Variants in PODXL observed in about 807,000 individuals in gnomAD.
PODXL encodes podocalyxin.
PODXL carries 20 observed loss-of-function variants against 48.9 expected under a neutral mutation model. The ratio of observed to expected loss-of-function variants is 0.41; its 90% CI spans 0.29 to 0.59. The LOEUF (loss-of-function observed/expected upper bound fraction) is 0.59, where lower values mean the gene tolerates loss of function less well. Ranked by LOEUF, PODXL falls within the 20% of genes least tolerant of loss-of-function variation. The pLI is 0.31. For missense variants in PODXL, 606 were observed against 675.1 expected (o/e 0.90, Z 1.13); for synonymous variants, 295 against 287.4 (o/e 1.03, Z -0.27).
intron 1 of PODXL, among the ~76,000 whole-genome samples, chr7:131,517,105 G>A (rs1798011279): frequency 6.6e-6 from 1 of 152,066 alleles, no homozygotes; most frequent in Non-Finnish European, 1.5e-5. Flanking sequence ...ATTGTTAAGA[G>A]GACTATTCAT....
chr7:131,504,596 A>G, intron 8 of PODXL, 88 bp from the exon 9 acceptor site: 1 of 1,093,794 alleles, frequency 9.1e-7, no homozygotes, highest in South Asian at 1.4e-5. Flanking sequence ...CCCACTCAGG[A>G]GCCCCACTGT....
chr7:131,509,096 T>G, intron 4 of PODXL, 68 bp from the exon 5 acceptor site: 1 of 1,361,202 alleles, frequency 7.3e-7, no homozygotes, highest in Non-Finnish European at 1.1e-6. Flanking sequence ...TCCCCCCAAC[T>G]AAGGGGTGAC....
At chr7:131,524,622 G>A (rs1032805966) in intron 1 of PODXL, among the ~76,000 whole-genome samples, 1 of 152,120 alleles carries the variant, frequency 6.6e-6, no homozygotes, top group African/African-American at 2.4e-5. Flanking sequence ...GATCCCAAAT[G>A]CTAAACAGGA....
At chr7:131,537,810 G>C (rs187907905) in intron 1 of PODXL, among the ~76,000 whole-genome samples, 1 of 152,228 alleles carries the variant, frequency 6.6e-6, no homozygotes, top group Admixed American at 6.5e-5. Context: ...CATATCAATG[G>C]CATCACACCG....
intron 6 of PODXL, 72 bp from the exon 7 acceptor site, chr7:131,506,393 A>T: frequency 2.0e-6 from 3 of 1,517,272 alleles, no homozygotes; most frequent in Non-Finnish European, 2.7e-6. Flanking sequence ...ACTGCGCCCC[A>T]AGAGAGGGAC....
Position 131,506,011 on chromosome 7 carries a change from C to T in PODXL, c.1336G>A (p.Gly446Arg). The part of the protein sequence containing the change: ...KEAGVSDMKL[G>R]DQGPPEEAED... The stretch of plus-strand genomic sequence containing the variant: ...GCCTCCTCCGGTGGCCCCTGGTCCC[C>T]TAGCTTCATGTCACTGACCCCTGCC... Residue 446 changes from glycine (G) to arginine (R), a missense_variant, in exon 8 of 9, where the codon GGG (glycine) becomes AGG (arginine). By Grantham distance (125) the Gly-to-Arg change is moderately radical. Coordinates refer to ENST00000378555, the MANE Select transcript of PODXL (RefSeq NM_001018111.3). 6.2e-7 allele frequency: 1 copy of T among 1,612,654 alleles called. No homozygotes were observed. Among genetic ancestry groups the T allele is most frequent in the Non-Finnish European group, 8.5e-7 (1 of 1,179,484 alleles).
At chr7:131,547,105 T>C (rs1798591113) in intron 1 of PODXL, among the ~76,000 whole-genome samples, 2 of 152,040 alleles carry the variant, frequency 1.3e-5, no homozygotes, top group Non-Finnish European at 2.9e-5. Flanking sequence ...CAGGTGCGGG[T>C]GGCTCACATC....
At chr7:131,536,958 C>G (rs1321419176) in intron 1 of PODXL, among the ~76,000 whole-genome samples, 1 of 152,014 alleles carries the variant, frequency 6.6e-6, no homozygotes, top group Admixed American at 6.6e-5. Context: ...AACCCCATCT[C>G]TACTAAAAAT....
intron 1 of PODXL, among the ~76,000 whole-genome samples, chr7:131,555,725 C>A (rs1798731352): frequency 6.6e-6 from 1 of 152,204 alleles, no homozygotes; most frequent in Non-Finnish European, 1.5e-5. Context: ...GTTGAGCCTG[C>A]ACACATTACT....
rs1304189377 is a variant in PODXL, at chr7:131,509,500, C to A, written c.888G>T (p.Val296=). The change falls in exon 4 of 9, where the codon GTG becomes GTT. Residue 296 remains valine (V), a synonymous_variant. Coordinates refer to ENST00000378555, the MANE Select transcript of PODXL (RefSeq NM_001018111.3). ...SSTAPSSQET[V]QPTSPATALR... ...ATGCCGTTGCCGGGCTCGTGGGCTG[C>A]ACTGTCTCCTGGGAGGAAGGGGCCG... The A allele has an allele frequency of 6.2e-7, 1 of 1,613,044 alleles. No homozygotes were observed. The highest frequency in any genetic ancestry group is 1.7e-5 in the Admixed American group (1 of 59,966).
chr7:131,540,583 C>T (rs1181671240), intron 1 of PODXL, among the ~76,000 whole-genome samples: 1 of 152,150 alleles, frequency 6.6e-6, no homozygotes, highest in African/African-American at 2.4e-5. Flanking sequence ...TCCCCAGGCA[C>T]ACACACACTT....
chr7:131,543,252 G>A (rs975851616), intron 1 of PODXL, among the ~76,000 whole-genome samples: 2 of 152,032 alleles, frequency 1.3e-5, no homozygotes, highest in Non-Finnish European at 2.9e-5. Flanking sequence ...CAGCCTCCCA[G>A]GTAGCTGGAA....
intron 1 of PODXL, among the ~76,000 whole-genome samples, chr7:131,542,815 A>G (rs1798505557): frequency 6.6e-6 from 1 of 152,174 alleles, no homozygotes; most frequent in African/African-American, 2.4e-5. Flanking sequence ...CCTCTAGAGC[A>G]TGGCAGTAGT....
rs1368092431 is a variant in PODXL, at chr7:131,511,127, G to A, written c.407C>T (p.Thr136Ile). ...GTTAGGTTTAGCTGTGGCTGTGGAG[G>A]TTGCAACTGTAGTGGTGTCTGCACT... ...TKSADTTTVA[T>I]STATAKPNTT... The change falls in exon 2 of 9, where the codon ACC (threonine) becomes ATC (isoleucine). Residue 136 changes from threonine to isoleucine, a missense_variant. Transcript: ENST00000378555. The A allele has an allele frequency of 1.9e-6, 3 of 1,613,784 alleles. No homozygotes were observed. Among genetic ancestry groups the A allele is most frequent in the African/African-American group, 2.7e-5 (2 of 74,822 alleles).
At chr7:131,528,077 T>C (rs1279228261) in intron 1 of PODXL, among the ~76,000 whole-genome samples, 4 of 151,762 alleles carry the variant, frequency 2.6e-5, no homozygotes, top group East Asian at 3.9e-4. Context: ...TTTTGTATTT[T>C]TTTAGTAGAG....
intron 6 of PODXL, 60 bp from the exon 7 acceptor site, chr7:131,506,381 G>T: frequency 6.4e-7 from 1 of 1,561,618 alleles, no homozygotes; most frequent in Non-Finnish European, 8.8e-7. Context: ...TGGGGGACGG[G>T]GACTGCGCCC....
chr7:131,527,475 C>T (rs1212586325), intron 1 of PODXL, among the ~76,000 whole-genome samples: 4 of 152,158 alleles, frequency 2.6e-5, no homozygotes, highest in African/African-American at 7.2e-5. Context: ...GGAGATGCAA[C>T]AGAAGCTTCT....
At chr7:131,520,154 G>A (rs1798069215) in intron 1 of PODXL, 1 of 240,710 alleles carries the variant, frequency 4.2e-6, no homozygotes. Context: ...CCTGCGAAGA[G>A]GGTGGTGAGA....
intron 1 of PODXL, among the ~76,000 whole-genome samples, chr7:131,532,453 T>TAAAAAAAA (rs1562913043): frequency 7.6e-6 from 1 of 131,052 alleles, no homozygotes; most frequent in African/African-American, 2.7e-5. Context: ...AAAAAAAAAT[T>TAAAAAAAA]AAAAATAAAT....
Sources: allele counts gnomAD v4.1 joint callset (sites outside exome capture counted in the v4.1 genomes callset), GRCh38; gene constraint gnomAD v4.1.1; transcripts MANE v1.5; gene names NCBI Gene and HGNC (gene_info 2026-07-23, HGNC 2026-07-21).